Variants in PLCB1 observed in about 807,000 individuals in gnomAD.
PLCB1 encodes 1-phosphatidylinositol 4,5-bisphosphate phosphodiesterase beta-1.
In PLCB1, 46 loss-of-function variants were observed where a neutral mutation model predicts 161.8. That is an observed-to-expected ratio of 0.28 (90% confidence interval 0.22 to 0.36). The LOEUF (loss-of-function observed/expected upper bound fraction) is 0.36. Among genes scored for constraint, PLCB1 ranks in the 10% least tolerant of loss-of-function variants. The pLI, the probability that PLCB1 is intolerant of heterozygous loss-of-function variation, is 1.00. For missense variants in PLCB1, 1,016 were observed against 1,472.5 expected (o/e 0.69, Z 5.07); for synonymous variants, 517 against 503.7 (o/e 1.03, Z -0.35).
intron 3 of PLCB1, among the ~76,000 whole-genome samples, chr20:8,584,030 G>T (rs1986911607): frequency 6.6e-6 from 1 of 152,058 alleles, no homozygotes; most frequent in Admixed American, 6.6e-5. Context: ...AAATGAAACG[G>T]AGCACTCTAG....
chr20:8,612,707 G>A (rs1011566623), intron 3 of PLCB1, among the ~76,000 whole-genome samples: 3 of 152,138 alleles, frequency 2.0e-5, no homozygotes, highest in African/African-American at 7.2e-5. Flanking sequence ...AGAGCTTAAA[G>A]CCCCTTCCCT....
At chr20:8,362,574 T>C (rs1986577359) in intron 2 of PLCB1, among the ~76,000 whole-genome samples, 1 of 152,220 alleles carries the variant, frequency 6.6e-6, no homozygotes, top group Non-Finnish European at 1.5e-5. Flanking sequence ...GGAAGTGTTT[T>C]ACTCTTAGAT....
At chr20:8,749,312 A>G (rs1383443065) in intron 23 of PLCB1, among the ~76,000 whole-genome samples, 1 of 152,188 alleles carries the variant, frequency 6.6e-6, no homozygotes, top group Non-Finnish European at 1.5e-5. Context: ...TTCTTTCGCA[A>G]GAGTGTGGCT....
chr20:8,410,398 G>C (rs1978990948), intron 3 of PLCB1, among the ~76,000 whole-genome samples: 1 of 152,056 alleles, frequency 6.6e-6, no homozygotes, highest in Non-Finnish European at 1.5e-5. Flanking sequence ...GAGAGATCTT[G>C]TTCTCCACAT....
chr20:8,549,783 C>T (rs773586701), intron 3 of PLCB1, among the ~76,000 whole-genome samples: 1 of 152,146 alleles, frequency 6.6e-6, no homozygotes, highest in African/African-American at 2.4e-5. Flanking sequence ...GTTGCCCAGG[C>T]TGGTGTCAAA....
chr20:8,562,707 A>T (rs1986182566), intron 3 of PLCB1, among the ~76,000 whole-genome samples: 1 of 152,106 alleles, frequency 6.6e-6, no homozygotes, highest in African/African-American at 2.4e-5. Context: ...CCCAGTTTAA[A>T]TATAACCAAC....
intron 2 of PLCB1, among the ~76,000 whole-genome samples, chr20:8,220,346 C>G (rs1161519875): frequency 6.6e-6 from 1 of 152,132 alleles, no homozygotes; most frequent in Non-Finnish European, 1.5e-5. Flanking sequence ...AGAAATGATG[C>G]ATTCACTAGG....
chr20:8,859,576 T>A (rs78699205), intron 31 of PLCB1, among the ~76,000 whole-genome samples: 7 of 148,662 alleles, frequency 4.7e-5, no homozygotes, highest in Admixed American at 4.7e-4. Flanking sequence ...AACCTTTTGG[T>A]TTTTTTTTTA....
chr20:8,192,210 A>G (rs1568585086), intron 2 of PLCB1, among the ~76,000 whole-genome samples: 1 of 152,016 alleles, frequency 6.6e-6, no homozygotes, highest in East Asian at 1.9e-4. Context: ...CTCTTCCTGA[A>G]GACTTTAGGG....
At chr20:8,759,341 A>G (rs1317326447) in intron 24 of PLCB1, among the ~76,000 whole-genome samples, 1 of 152,040 alleles carries the variant, frequency 6.6e-6, no homozygotes, top group Non-Finnish European at 1.5e-5. Flanking sequence ...GAAAGTTATT[A>G]TTTTCCCCTC....
intron 24 of PLCB1, among the ~76,000 whole-genome samples, chr20:8,758,263 A>T (rs6056067): frequency 0.3 from 45,294 of 151,072 alleles, 6,864 homozygotes; most frequent in Middle Eastern, 0.48. Context: ...TTTAATTTGT[A>T]TCAGACACGC....
intron 3 of PLCB1, among the ~76,000 whole-genome samples, chr20:8,614,394 TATA>T (rs1987991882): frequency 6.6e-6 from 1 of 152,034 alleles, no homozygotes; most frequent in African/African-American, 2.4e-5. Flanking sequence ...AAGCATTGTT[TATA>T]ATAATAAAAC....
At chr20:8,235,790 A>G (rs1227284506) in intron 2 of PLCB1, among the ~76,000 whole-genome samples, 5 of 152,116 alleles carry the variant, frequency 3.3e-5, no homozygotes, top group Admixed American at 6.6e-5. Context: ...TACTTTTATA[A>G]AATGAGAAAG....
chr20:8,574,510 A>T (rs1481014400), intron 3 of PLCB1, among the ~76,000 whole-genome samples: 1 of 152,258 alleles, frequency 6.6e-6, no homozygotes, highest in Non-Finnish European at 1.5e-5. Flanking sequence ...AATCAGTTTC[A>T]TCACATGTAG....
chr20:8,781,296 C>A (rs1275262255), intron 27 of PLCB1, among the ~76,000 whole-genome samples: 1 of 151,588 alleles, frequency 6.6e-6, no homozygotes, highest in East Asian at 1.9e-4. Flanking sequence ...CAAGAAATGA[C>A]AAATAAGCAA....
At chr20:8,659,340 A>G (rs1201771668) in intron 9 of PLCB1, among the ~76,000 whole-genome samples, 7 of 152,116 alleles carry the variant, frequency 4.6e-5, no homozygotes, top group Non-Finnish European at 4.4e-5. Flanking sequence ...ATGAAGATGT[A>G]ATTACTGCAA....
intron 10 of PLCB1, among the ~76,000 whole-genome samples, chr20:8,690,879 C>G (rs557805478): frequency 2.0e-5 from 3 of 152,292 alleles, no homozygotes; most frequent in Non-Finnish European, 4.4e-5. Flanking sequence ...AGGTTAGAAG[C>G]AAGATGGAGT....
chr20:8,878,259 T>G (rs974175209), intron 31 of PLCB1, among the ~76,000 whole-genome samples: 9 of 152,152 alleles, frequency 5.9e-5, no homozygotes, highest in Non-Finnish European at 1.0e-4. Flanking sequence ...CTCACTTGCT[T>G]TTCTTCCTTC....
At chr20:8,547,003 C>T (rs1266834339) in intron 3 of PLCB1, among the ~76,000 whole-genome samples, 2 of 152,118 alleles carry the variant, frequency 1.3e-5, no homozygotes, top group African/African-American at 4.8e-5. Context: ...GAAATCAAGG[C>T]TTGGCATTAG....
Sources: gnomAD v4.1 joint callset for allele counts (sites outside exome capture counted in the v4.1 genomes callset) on GRCh38, gnomAD v4.1.1 for gene constraint, MANE v1.5 for transcripts, NCBI Gene and HGNC (gene_info 2026-07-23, HGNC 2026-07-21) for gene names.